FHIT: variants seen among roughly 807,000 people sequenced by gnomAD.
FHIT encodes fragile histidine triad diadenosine triphosphatase.
In FHIT, 19 loss-of-function variants were observed where a neutral mutation model predicts 17.9. The ratio of observed to expected loss-of-function variants is 1.06; its 90% CI spans 0.74 to 1.56. FHIT has a LOEUF of 1.56. Among genes scored for constraint, FHIT ranks in the 40% most tolerant of loss-of-function variants. The pLI is 0.00. For synonymous variants in FHIT, 81 were observed against 69.7 expected (o/e 1.16, Z -0.81); for missense variants, 248 against 189.2 (o/e 1.31, Z -1.82).
intron 3 of FHIT, among the ~76,000 whole-genome samples, chr3:61,037,056 C>T (rs1457465115): frequency 6.6e-6 from 1 of 151,864 alleles, no homozygotes; most frequent in Non-Finnish European, 1.5e-5. Context: ...GGACTACAGG[C>T]ACCCGCCACT....
chr3:60,588,679 T>G (rs963130233), intron 4 of FHIT, among the ~76,000 whole-genome samples: 1 of 152,008 alleles, frequency 6.6e-6, no homozygotes, highest in Non-Finnish European at 1.5e-5. Context: ...GACAGGGTCT[T>G]GCTCTGTTGC....
intron 5 of FHIT, among the ~76,000 whole-genome samples, chr3:60,448,514 T>C (rs2031497693): frequency 6.6e-6 from 1 of 152,178 alleles, no homozygotes; most frequent in African/African-American, 2.4e-5. Context: ...CTGAATTAAA[T>C]ACCGTCATAA....
intron 4 of FHIT, among the ~76,000 whole-genome samples, chr3:60,759,761 T>C (rs576533821): frequency 1.3e-5 from 2 of 152,162 alleles, no homozygotes; most frequent in Admixed American, 6.5e-5. Context: ...CAAGGGGCCA[T>C]GGATGACCCA....
chr3:60,332,571 C>T (rs1290823438), intron 5 of FHIT, among the ~76,000 whole-genome samples: 1 of 152,170 alleles, frequency 6.6e-6, no homozygotes, highest in Non-Finnish European at 1.5e-5. Flanking sequence ...CATCACACTA[C>T]TTCTGAATCT....
chr3:60,809,057 C>G (rs1375390925), intron 4 of FHIT, among the ~76,000 whole-genome samples: 2 of 151,854 alleles, frequency 1.3e-5, no homozygotes, highest in African/African-American at 4.8e-5. Context: ...CTAAAATTTC[C>G]CAGTAATCAA....
At chr3:60,113,617 G>A (rs1704783197) in intron 5 of FHIT, among the ~76,000 whole-genome samples, 1 of 151,770 alleles carries the variant, frequency 6.6e-6, no homozygotes, top group Non-Finnish European at 1.5e-5. Context: ...TTGGAAAACA[G>A]TATCATGAAA....
chr3:60,018,750 C>A (rs374201590), intron 5 of FHIT, among the ~76,000 whole-genome samples: 2 of 152,022 alleles, frequency 1.3e-5, no homozygotes, highest in South Asian at 2.1e-4. Context: ...GGCCAAAGCG[C>A]GCGAATCACC....
intron 5 of FHIT, among the ~76,000 whole-genome samples, chr3:60,121,709 A>AAAACACACACACACACACAC (rs1553690214): frequency 8.6e-6 from 1 of 116,336 alleles, no homozygotes; most frequent in African/African-American, 3.4e-5. Flanking sequence ...AAACAAAACA[A>AAAACACACACACACACACAC]ACACACACAC....
chr3:59,967,751 T>A (rs1160931801), intron 7 of FHIT, among the ~76,000 whole-genome samples: 1 of 151,930 alleles, frequency 6.6e-6, no homozygotes, highest in Non-Finnish European at 1.5e-5. Context: ...AAATACAACA[T>A]ATAGTATATA....
chr3:60,199,486 G>T (rs865946796), intron 5 of FHIT, among the ~76,000 whole-genome samples: 1 of 152,098 alleles, frequency 6.6e-6, no homozygotes, highest in South Asian at 2.1e-4. Context: ...TCATTTAACT[G>T]TGGGTCCTCA....
At chr3:59,792,922 T>A (rs917445162) in intron 8 of FHIT, among the ~76,000 whole-genome samples, 4 of 151,328 alleles carry the variant, frequency 2.6e-5, no homozygotes, top group Non-Finnish European at 5.9e-5. Flanking sequence ...GTATGGGTGA[T>A]GTGCTCCTCT....
intron 8 of FHIT, among the ~76,000 whole-genome samples, chr3:59,782,488 C>T (rs549867394): frequency 6.6e-6 from 1 of 152,198 alleles, no homozygotes; most frequent in Non-Finnish European, 1.5e-5. Flanking sequence ...GATATCTGCA[C>T]ATGCCATTTC....
At chr3:60,976,190 T>G (rs1339197308) in intron 3 of FHIT, among the ~76,000 whole-genome samples, 2 of 136,746 alleles carry the variant, frequency 1.5e-5, no homozygotes, top group Non-Finnish European at 3.1e-5. Context: ...CACTGCAACC[T>G]CTACCTCCTG....
At chr3:60,861,072 G>T (rs1307042482) in intron 3 of FHIT, among the ~76,000 whole-genome samples, 4 of 93,568 alleles carry the variant, frequency 4.3e-5, no homozygotes, top group South Asian at 6.0e-4. Context: ...GTGTATATAT[G>T]ATGTACGTCA....
chr3:60,545,733 G>A (rs1327519501), intron 4 of FHIT, among the ~76,000 whole-genome samples: 1 of 152,106 alleles, frequency 6.6e-6, no homozygotes, highest in South Asian at 2.1e-4. Context: ...TGATTTTTTA[G>A]AATTTGAGGC....
At chr3:60,682,229 C>A (rs981819642) in intron 4 of FHIT, among the ~76,000 whole-genome samples, 23 of 152,202 alleles carry the variant, frequency 1.5e-4, no homozygotes, top group Middle Eastern at 6.8e-3. Flanking sequence ...CCTCGGCCTC[C>A]CACAATGCTG....
chr3:60,476,612 G>A (rs2033356091), intron 5 of FHIT, among the ~76,000 whole-genome samples: 1 of 152,070 alleles, frequency 6.6e-6, no homozygotes, highest in African/African-American at 2.4e-5. Flanking sequence ...TCTCAGGAGG[G>A]GTATTCAAGG....
At chr3:60,109,616 G>T (rs1336691367) in intron 5 of FHIT, among the ~76,000 whole-genome samples, 1 of 152,172 alleles carries the variant, frequency 6.6e-6, no homozygotes, top group African/African-American at 2.4e-5. Context: ...AATAACAGAA[G>T]CAAGTGGTTA....
chr3:60,965,314 T>G (rs1463792870), intron 3 of FHIT, among the ~76,000 whole-genome samples: 1 of 152,216 alleles, frequency 6.6e-6, no homozygotes, highest in Non-Finnish European at 1.5e-5. Context: ...ACACTGATTA[T>G]TCTAGTTAGC....
Sources: allele counts gnomAD v4.1 joint callset (sites outside exome capture counted in the v4.1 genomes callset), GRCh38; gene constraint gnomAD v4.1.1; transcripts MANE v1.5; gene names NCBI Gene and HGNC (gene_info 2026-07-23, HGNC 2026-07-21).